SPTLC3: variants seen among roughly 807,000 people sequenced by gnomAD.
The protein encoded by SPTLC3 is serine palmitoyltransferase long chain base subunit 3, also known as serine palmitoyltransferase 3.
In SPTLC3, 36 loss-of-function variants were observed where a neutral mutation model predicts 59.3. The ratio of observed to expected loss-of-function variants is 0.61; its 90% CI spans 0.47 to 0.80. SPTLC3 has a LOEUF of 0.80. Ranked by LOEUF, SPTLC3 falls within the 30% of genes least tolerant of loss-of-function variation. The pLI, the probability that SPTLC3 is intolerant of heterozygous loss-of-function variation, is 0.00. For synonymous variants in SPTLC3, 257 were observed against 240.8 expected (o/e 1.07, Z -0.62); for missense variants, 625 against 685.1 (o/e 0.91, Z 0.98).
intron 10 of SPTLC3, among the ~76,000 whole-genome samples, chr20:13,158,704 C>T (rs1329035579): frequency 6.6e-6 from 1 of 152,168 alleles, no homozygotes; most frequent in Non-Finnish European, 1.5e-5. Context: ...AATCAAAGGG[C>T]TAATGTTGCC....
intron 1 of SPTLC3, among the ~76,000 whole-genome samples, chr20:13,039,740 G>T (rs1048913268): frequency 1.3e-5 from 2 of 151,922 alleles, no homozygotes. Context: ...TTTCTAGTAT[G>T]ATATTTTCAT....
rs1254904304 is a variant in SPTLC3, at chr20:13,168,438, C to T, written c.*3571C>T. 6.6e-5 allele frequency: 10 copies of T among 152,264 alleles called. No individual in the cohort carries two copies. Among genetic ancestry groups the T allele is most frequent in the Non-Finnish European group, 1.5e-4 (10 of 68,122 alleles). The allele number at this position is 152,264 out of a possible 1,614,324, so 9.4% of individuals were successfully genotyped here. ...CCTTAGGTGATCCTCCCACCTCGGC[C>T]TCCCAAAGTGCTGGGATTACAGGCG... On this transcript the variant is annotated 3_prime_UTR_variant, in exon 12 of 12. Transcript: ENST00000399002.
At chr20:13,024,395 C>G (rs532449897) in intron 1 of SPTLC3, among the ~76,000 whole-genome samples, 29 of 152,216 alleles carry the variant, frequency 1.9e-4, no homozygotes, top group African/African-American at 6.7e-4. Context: ...TACTACTTGT[C>G]TACCTATCTA....
intron 11 of SPTLC3, among the ~76,000 whole-genome samples, chr20:13,162,300 G>C (rs2038910057): frequency 6.6e-6 from 1 of 152,180 alleles, no homozygotes; most frequent in Admixed American, 6.5e-5. Context: ...CAGCATGGAT[G>C]AATTTGTAAT....
intron 2 of SPTLC3, among the ~76,000 whole-genome samples, chr20:13,052,866 C>T (rs1434974030): frequency 1.3e-5 from 2 of 152,264 alleles, no homozygotes; most frequent in East Asian, 1.9e-4. Context: ...GGCCTGGCAT[C>T]TCGGGAAAGA....
At chr20:13,107,597 G>A (rs957325696) in intron 6 of SPTLC3, among the ~76,000 whole-genome samples, 9 of 151,890 alleles carry the variant, frequency 5.9e-5, no homozygotes, top group Middle Eastern at 6.8e-3. Flanking sequence ...GATAAAAAGA[G>A]AAAAAAACAA....
chr20:13,064,281 T>TC (rs1568584836), intron 2 of SPTLC3, among the ~76,000 whole-genome samples: 1 of 71,930 alleles, frequency 1.4e-5, no homozygotes. Context: ...CTTTTTTTTT[T>TC]TTGTTTTGTT....
At chr20:13,040,850 T>G (rs1986952272) in intron 1 of SPTLC3, among the ~76,000 whole-genome samples, 1 of 151,840 alleles carries the variant, frequency 6.6e-6, no homozygotes, top group Non-Finnish European at 1.5e-5. Context: ...AGGCTAGTTT[T>G]GCCAACATAA....
intron 1 of SPTLC3, among the ~76,000 whole-genome samples, chr20:13,047,850 C>T (rs183641773): frequency 6.6e-6 from 1 of 152,234 alleles, no homozygotes; most frequent in East Asian, 1.9e-4. Flanking sequence ...CAAGAGTTAA[C>T]GTTTCTCAAA....
At chr20:13,146,322 G>A (rs1395433008) in intron 9 of SPTLC3, among the ~76,000 whole-genome samples, 1 of 152,010 alleles carries the variant, frequency 6.6e-6, no homozygotes, top group Non-Finnish European at 1.5e-5. Context: ...GAGAACTATT[G>A]TACTGGGCTT....
chr20:13,156,766 T>C (rs2038777087), intron 10 of SPTLC3, among the ~76,000 whole-genome samples: 1 of 152,210 alleles, frequency 6.6e-6, no homozygotes, highest in Non-Finnish European at 1.5e-5. Context: ...CAATCAGTGG[T>C]AGCCATTTCA....
rs376413247 is a variant in SPTLC3 at position 13,127,517 on chromosome 20, G to A, written c.1279+800G>A. On this transcript the variant is annotated intron_variant, in intron 9 of 11. Transcript: ENST00000399002. ...TTGTTTAATGCAATGCTTCAAGCCTGCTATTTCAGTAGAAGTATGGGGTAC... is the reference window on the plus strand; with the variant it reads ...TTGTTTAATGCAATGCTTCAAGCCTACTATTTCAGTAGAAGTATGGGGTAC... 8.5e-5 allele frequency among the ~76,000 whole-genome samples: 13 copies of A among 152,288 alleles called. No homozygotes were observed. The East Asian group carries it at 1.7e-3, about 20-fold the overall frequency.
At chr20:13,127,176 A>C (rs1393444692) in intron 9 of SPTLC3, among the ~76,000 whole-genome samples, 1 of 152,244 alleles carries the variant, frequency 6.6e-6, no homozygotes, top group Non-Finnish European at 1.5e-5. Context: ...GACAAAACAC[A>C]CACAATAAGC....
Position 13,091,168 on chromosome 20 carries a change from C to T in SPTLC3, c.693C>T (p.Phe231=), listed in dbSNP as rs6109692. 0.1 allele frequency: 164,538 copies of T among 1,612,992 alleles called. 8,756 individuals are homozygous for T. The highest frequency in any genetic ancestry group is 0.13 in the Middle Eastern group (812 of 6,058). ...CAGCTATGGTCTTTGGGATGGGATTCGCAACTAACTCAATGAATATCCCAG... is the reference window on the plus strand; with the variant it reads ...CAGCTATGGTCTTTGGGATGGGATTTGCAACTAACTCAATGAATATCCCAG... ...VEAAMVFGMG[F]ATNSMNIPAL... Residue 231 remains phenylalanine (F), a synonymous_variant, in exon 5 of 12, where the codon TTC becomes TTT. Transcript: ENST00000399002.
rs191845374 is a variant in SPTLC3, at chr20:13,009,016, G to A, written c.-252G>A. ...CATGGACAATCTCCTTTACAGTTTC[G>A]GAAGCAGGTTTGTTGCCATGGAGTT... is the stretch of plus-strand genomic sequence containing the variant. On this transcript the variant is annotated 5_prime_UTR_variant, in exon 1 of 12. Coordinates refer to ENST00000399002, the MANE Select transcript of SPTLC3 (RefSeq NM_018327.4). The A allele has an allele frequency of 4.4e-4, 162 of 371,784 alleles. No homozygotes were observed. Among genetic ancestry groups the A allele is most frequent in the East Asian group, 1.5e-3 (28 of 18,314 alleles). The allele number at this position is 371,784 out of a possible 1,614,324, so 23.0% of individuals were successfully genotyped here.
At chr20:13,162,145 T>C (rs2038906738) in intron 11 of SPTLC3, among the ~76,000 whole-genome samples, 1 of 152,014 alleles carries the variant, frequency 6.6e-6, no homozygotes, top group Admixed American at 6.6e-5. Flanking sequence ...GAAAAATAGG[T>C]TTAGAAAATA....
intron 4 of SPTLC3, among the ~76,000 whole-genome samples, chr20:13,081,738 A>T (rs1460424406): frequency 6.6e-6 from 1 of 152,200 alleles, no homozygotes; most frequent in Non-Finnish European, 1.5e-5. Context: ...TGGTTAATAG[A>T]CACCACAAAA....
chr20:13,126,233 C>A (rs1460328906), intron 8 of SPTLC3, among the ~76,000 whole-genome samples: 2 of 152,184 alleles, frequency 1.3e-5, no homozygotes, highest in Non-Finnish European at 2.9e-5. Flanking sequence ...AGGGCAAGGA[C>A]CACATCCTGT....
chr20:13,054,376 C>A, intron 2 of SPTLC3, among the ~76,000 whole-genome samples: 1 of 151,714 alleles, frequency 6.6e-6, no homozygotes, highest in South Asian at 2.1e-4. Context: ...TTCTGTCTAC[C>A]CTGTGAGAAA....
Sources: gnomAD v4.1 joint callset for allele counts (sites outside exome capture counted in the v4.1 genomes callset) on GRCh38, gnomAD v4.1.1 for gene constraint, MANE v1.5 for transcripts, NCBI Gene and HGNC (gene_info 2026-07-23, HGNC 2026-07-21) for gene names.